The following LHFPL1 variants were observed in gnomAD, a reference collection of about 807,000 sequenced individuals.
LHFPL1 encodes the protein LHFPL tetraspan subfamily member 1 protein.
LHFPL1 carries 4 observed loss-of-function variants against 12.1 expected under a neutral mutation model. That is an observed-to-expected ratio of 0.33 (90% CI 0.16 to 0.76). LHFPL1 has a LOEUF of 0.76. LHFPL1 is among the 30% of genes least tolerant of loss of function. LHFPL1 has a pLI of 0.61. For synonymous variants in LHFPL1, 52 were observed against 61.9 expected (o/e 0.84, Z 0.75); for missense variants, 141 against 174.1 (o/e 0.81, Z 1.07).
At chrX:112,667,755 T>C (rs1368478479) in intron 2 of LHFPL1, among the ~76,000 whole-genome samples, 2 of 111,835 alleles carry the variant, frequency 1.8e-5, no homozygotes, top group African/African-American at 6.5e-5. Context: ...GAGCAGGGCA[T>C]GGAGGTCCCA....
Position 112,631,158 on chromosome X carries a change from A to C in LHFPL1, c.*262T>G, listed in dbSNP as rs749417426. On this transcript the variant is annotated 3_prime_UTR_variant, in exon 4 of 4. Coordinates refer to ENST00000371968, the MANE Select transcript of LHFPL1 (RefSeq NM_178175.4). ...GCCTTAGCTTTGGATCCTATTTTGC[A>C]TAAAGGGGTACTTTGGGTCTTCGGG... The C allele has an allele frequency of 1.3e-4, 36 of 267,734 alleles. No homozygotes were observed. The highest frequency in any genetic ancestry group is 1.8e-4 in the Non-Finnish European group (27 of 150,070). The allele number at this position is 267,734 out of a possible 1,213,427, so 22.1% of individuals were successfully genotyped here.
At chrX:112,666,617 C>G (rs1931342635) in intron 2 of LHFPL1, among the ~76,000 whole-genome samples, 1 of 111,880 alleles carries the variant, frequency 8.9e-6, no homozygotes, top group South Asian at 3.7e-4. Flanking sequence ...GGAATGTGAT[C>G]AGGGTATAAA....
chrX:112,647,199 A>G (rs1205553089), intron 3 of LHFPL1, among the ~76,000 whole-genome samples: 1 of 112,116 alleles, frequency 8.9e-6, no homozygotes, highest in Non-Finnish European at 1.9e-5. Flanking sequence ...GTGTCTCATT[A>G]GAGACCTGGA....
chrX:112,650,800 T>C (rs769996468), intron 3 of LHFPL1, among the ~76,000 whole-genome samples: 6 of 111,786 alleles, frequency 5.4e-5, no homozygotes, highest in Non-Finnish European at 7.5e-5. Flanking sequence ...TTAATAAAAT[T>C]AAAAGTAACA....
chrX:112,673,410 T>C (rs1195541696), intron 1 of LHFPL1, among the ~76,000 whole-genome samples: 4 of 111,525 alleles, frequency 3.6e-5, no homozygotes, highest in Non-Finnish European at 5.6e-5. Flanking sequence ...TAATTGCTGT[T>C]AGACAGCAGG....
chrX:112,660,138 C>A (rs1931134367), intron 3 of LHFPL1, among the ~76,000 whole-genome samples: 1 of 112,350 alleles, frequency 8.9e-6, no homozygotes, highest in African/African-American at 3.2e-5. Context: ...TGGTTCAGGG[C>A]TACTTCTGTC....
intron 3 of LHFPL1, among the ~76,000 whole-genome samples, chrX:112,636,421 G>A (rs1235087401): frequency 8.9e-6 from 1 of 112,241 alleles, no homozygotes; most frequent in Admixed American, 9.4e-5. Context: ...TCCTCATGTA[G>A]ACAAACACCA....
At chrX:112,678,516 C>G (rs1289943380) in intron 1 of LHFPL1, among the ~76,000 whole-genome samples, 1 of 111,964 alleles carries the variant, frequency 8.9e-6, no homozygotes, top group Non-Finnish European at 1.9e-5. Context: ...ATTAGTCTCT[C>G]CACTCCATTG....
At chrX:112,633,208 G>A (rs1044142573) in intron 3 of LHFPL1, among the ~76,000 whole-genome samples, 4 of 112,038 alleles carry the variant, frequency 3.6e-5, no homozygotes, top group African/African-American at 1.3e-4. Flanking sequence ...TCTATCCACT[G>A]TGGGTACCAT....
chrX:112,651,888 G>T (rs772442350), intron 3 of LHFPL1, among the ~76,000 whole-genome samples: 1 of 112,124 alleles, frequency 8.9e-6, no homozygotes, highest in African/African-American at 3.2e-5. Context: ...TTGCAGTTAG[G>T]ATAAAATACA....
rs1271465337 is a variant in LHFPL1 at position 112,679,889 on chromosome X, A to C, written c.-75T>G. 1 of 111,709 alleles carries C rather than the reference A, an allele frequency of 9.0e-6. No homozygotes were observed. The highest frequency in any genetic ancestry group is 1.9e-5 in the Non-Finnish European group (1 of 53,111). 9.2% of individuals were successfully genotyped at this position (111,709 alleles called of 1,213,427 possible). On this transcript the variant is annotated 5_prime_UTR_variant, in exon 1 of 4. Transcript: ENST00000371968. ...TCTTCAGGCTCAGATCTCAGAAACA[A>C]CTTCTCCTTACAGCTTGTTAGACAA... is the stretch of plus-strand genomic sequence containing the variant.
In LHFPL1 at chrX:112,671,121, G is replaced by T; in HGVS notation, c.270C>A (p.Ala90=). 2 of 1,211,977 alleles carry T rather than the reference G, an allele frequency of 1.7e-6. No individual in the cohort carries two copies. The highest frequency in any genetic ancestry group is 1.7e-5 in the African/African-American group (1 of 57,867). ...CCACCAGGAGCAGCAGAGCACAGCC[G>T]GCACCTGTCACCACTGTGCACATCT... is the stretch of plus-strand genomic sequence containing the variant. ...AWQMCTVVTG[A]GCALLLLVAL... Residue 90 remains alanine, a synonymous_variant, in exon 2 of 4, where the codon GCC becomes GCA. Transcript: ENST00000371968.
At chrX:112,671,439 C>T (rs779503238) in intron 1 of LHFPL1, 35 bp from the exon 2 acceptor site, 8 of 1,207,332 alleles carry the variant, frequency 6.6e-6, no homozygotes, top group Admixed American at 2.2e-5. Flanking sequence ...GATCACAGCA[C>T]CAAATGCAGT....
rs1362756375 is a variant in LHFPL1 at position 112,631,121 on chromosome X, T to G, written c.*299A>C. 3 of 204,833 alleles carry G rather than the reference T, an allele frequency of 1.5e-5. No homozygotes were observed. Among genetic ancestry groups the G allele is most frequent in the Non-Finnish European group, 1.8e-5 (2 of 111,268 alleles). 16.9% of individuals were successfully genotyped at this position (204,833 alleles called of 1,213,427 possible). On this transcript the variant is annotated 3_prime_UTR_variant, in exon 4 of 4. Transcript: ENST00000371968. ...ATCTCGTGCTCCCTCCCTGCACAAC[T>G]ATTCTTACCCAGCCTTAGCTTTGGA...
intron 2 of LHFPL1, among the ~76,000 whole-genome samples, chrX:112,668,400 G>T (rs1931397141): frequency 8.9e-6 from 1 of 112,455 alleles, no homozygotes; most frequent in African/African-American, 3.2e-5. Flanking sequence ...TAATTGGCTG[G>T]TGTTACAGAT....
intron 3 of LHFPL1, among the ~76,000 whole-genome samples, chrX:112,646,237 A>G (rs1239726952): frequency 9.3e-6 from 1 of 108,039 alleles, no homozygotes; most frequent in Non-Finnish European, 1.9e-5. Flanking sequence ...AGTGGACACC[A>G]AGGGAGTCCC....
chrX:112,653,459 A>G (rs1930910741), intron 3 of LHFPL1, among the ~76,000 whole-genome samples: 1 of 112,377 alleles, frequency 8.9e-6, no homozygotes, highest in Non-Finnish European at 1.9e-5. Flanking sequence ...GCTCAAAAAC[A>G]TATTAATTAT....
intron 1 of LHFPL1, among the ~76,000 whole-genome samples, chrX:112,674,466 T>C (rs1341538393): frequency 1.8e-5 from 2 of 109,767 alleles, no homozygotes; most frequent in Admixed American, 1.9e-4. Context: ...CTAAAGAGCT[T>C]TTGCACAGCA....
intron 3 of LHFPL1, among the ~76,000 whole-genome samples, chrX:112,636,902 A>G (rs1211467694): frequency 8.9e-6 from 1 of 112,002 alleles, no homozygotes; most frequent in Non-Finnish European, 1.9e-5. Flanking sequence ...CTGTGTCCTT[A>G]GAAGATACTG....
Sources: allele counts gnomAD v4.1 joint callset (sites outside exome capture counted in the v4.1 genomes callset), GRCh38; gene constraint gnomAD v4.1.1; transcripts MANE v1.5; gene names NCBI Gene and HGNC (gene_info 2026-07-23, HGNC 2026-07-21).